PCDHGA3: variants seen among roughly 807,000 people sequenced by gnomAD.
PCDHGA3 encodes protocadherin gamma-A3.
PCDHGA3 carries 40 observed loss-of-function variants against 58.5 expected under a neutral mutation model. That is an observed-to-expected ratio of 0.68 (90% CI 0.53 to 0.89). The LOEUF (loss-of-function observed/expected upper bound fraction) is 0.89. PCDHGA3 is among the 40% of genes least tolerant of loss of function. The pLI is 0.00. For synonymous variants in PCDHGA3, 530 were observed against 525.7 expected (o/e 1.01, Z -0.11); for missense variants, 1,223 against 1,195.9 (o/e 1.02, Z -0.33).
Position 141,477,657 on chromosome 5 carries a change from G to C in PCDHGA3, c.2425-17150G>C. 4 of 1,614,190 alleles carry C rather than the reference G, an allele frequency of 2.5e-6. No individual in the cohort carries two copies. Among genetic ancestry groups the C allele is most frequent in the Non-Finnish European group, 3.4e-6 (4 of 1,180,038 alleles). The stretch of plus-strand genomic sequence containing the variant: ...GTGGGTCGCTATTTCACAATAAATC[G>C]TGACAATGGCATAGTGTCATCCTTA... On this transcript the variant is annotated intron_variant, in intron 1 of 3. Coordinates refer to ENST00000253812, the MANE Select transcript of PCDHGA3 (RefSeq NM_018916.4). The surrounding 1 kb of genome is among the most constrained non-coding windows in gnomAD (Gnocchi z 4.9).
intron 1 of PCDHGA3, chr5:141,384,177 TG>T: frequency 6.2e-7 from 1 of 1,613,838 alleles, no homozygotes; most frequent in South Asian, 1.1e-5. Context: ...AAGCCACAGA[TG>T]GTGGAACTCC....
intron 1 of PCDHGA3, among the ~76,000 whole-genome samples, chr5:141,358,322 G>A (rs1185859053): frequency 6.6e-6 from 1 of 152,192 alleles, no homozygotes; most frequent in Non-Finnish European, 1.5e-5. Context: ...TCTTTCTCAT[G>A]AAGCTATTGT....
At chr5:141,408,055 C>CCGG in intron 1 of PCDHGA3, 1 of 1,299,130 alleles carries the variant, frequency 7.7e-7, no homozygotes, top group South Asian at 1.6e-5. Flanking sequence ...ACAGAGCCTC[C>CCGG]CGGCTGCGCA....
chr5:141,464,343 A>C (rs944042669), intron 1 of PCDHGA3, among the ~76,000 whole-genome samples: 7 of 151,212 alleles, frequency 4.6e-5, no homozygotes, highest in African/African-American at 1.5e-4. Context: ...ATGACTTGTC[A>C]TTTAGGTAGT....
At position 141,489,437 on chromosome 5, in the gene PCDHGA3, T is replaced by C; in HGVS notation, c.2425-5370T>C. The C allele has an allele frequency of 6.2e-7, 1 of 1,614,110 alleles. No individual in the cohort carries two copies. Among genetic ancestry groups the C allele is most frequent in the Non-Finnish European group, 8.5e-7 (1 of 1,180,020 alleles). ...GATCTGTTGAGCCGGCGGCTGCAATTGGGCTCTGAGGAGAATGGGCGCTAT... is the reference window on the plus strand; with the variant it reads ...GATCTGTTGAGCCGGCGGCTGCAATCGGGCTCTGAGGAGAATGGGCGCTAT... On this transcript the variant is annotated intron_variant, in intron 1 of 3. Transcript: ENST00000253812. This position sits in a 1 kb window ranked among gnomAD's most constrained non-coding sequence, Gnocchi z 4.5.
chr5:141,380,503 A>G (rs1353992586), intron 1 of PCDHGA3, among the ~76,000 whole-genome samples: 1 of 152,196 alleles, frequency 6.6e-6, no homozygotes, highest in African/African-American at 2.4e-5. Context: ...ACAATAATAT[A>G]CACTCTTTAA....
rs1407225048 is a variant in PCDHGA3 at position 141,489,600 on chromosome 5, G to T, written c.2425-5207G>T. On this transcript the variant is annotated intron_variant, in intron 1 of 3. Coordinates refer to ENST00000253812, the MANE Select transcript of PCDHGA3 (RefSeq NM_018916.4). The surrounding 1 kb of genome is among the most constrained non-coding windows in gnomAD (Gnocchi z 4.5). ...ACCCCCTGGAGCTAATCCGTGTAGA[G>T]GTAGAGATCCTGGATCTCAATGACA... The T allele has an allele frequency of 7.4e-6, 12 of 1,613,916 alleles. 1 individual carries two copies. In the South Asian group the frequency reaches 1.2e-4, roughly 16 times the overall value.
chr5:141,372,012 C>T, intron 1 of PCDHGA3: 1 of 1,613,320 alleles, frequency 6.2e-7, no homozygotes, highest in South Asian at 1.1e-5. Context: ...CCAGGGCTCG[C>T]CTACGCTCAG....
At position 141,431,790 on chromosome 5, in the gene PCDHGA3, C is replaced by G; in HGVS notation, c.2425-63017C>G. ...ACTGTTCTGGACGTGAACGACAATG[C>G]CCCAGAAGTGGTCCTCACCTCTCTC... On this transcript the variant is annotated intron_variant, in intron 1 of 3. Coordinates refer to ENST00000253812, the MANE Select transcript of PCDHGA3 (RefSeq NM_018916.4). The surrounding 1 kb of genome is among the most constrained non-coding windows in gnomAD (Gnocchi z 4.8). 1 of 1,614,186 alleles carries G rather than the reference C, an allele frequency of 6.2e-7. No homozygotes were observed. Among genetic ancestry groups the G allele is most frequent in the Non-Finnish European group, 8.5e-7 (1 of 1,180,016 alleles).
chr5:141,415,660 T>C, intron 1 of PCDHGA3: 2 of 1,583,052 alleles, frequency 1.3e-6, no homozygotes, highest in Non-Finnish European at 8.6e-7. Context: ...AAAGATTGGT[T>C]TTTACTTTGA....
chr5:141,501,326 CA>C (rs1562200763), intron 2 of PCDHGA3, among the ~76,000 whole-genome samples: 18 of 151,784 alleles, frequency 1.2e-4, no homozygotes, highest in African/African-American at 1.9e-4. Flanking sequence ...CACACACACA[CA>C]CACACACCCC....
At chr5:141,379,313 A>G (rs1053297201) in intron 1 of PCDHGA3, 11 of 152,382 alleles carry the variant, frequency 7.2e-5, no homozygotes, top group Non-Finnish European at 1.5e-4. Flanking sequence ...CCTAAACAAG[A>G]GATCTAATCA....
chr5:141,415,704 T>C (rs1262137262), intron 1 of PCDHGA3: 1 of 1,344,464 alleles, frequency 7.4e-7, no homozygotes, highest in South Asian at 1.3e-5. Context: ...GTGTAAATGC[T>C]AAAACACTGA....
intron 1 of PCDHGA3, among the ~76,000 whole-genome samples, chr5:141,430,253 T>G (rs2097270288): frequency 9.8e-6 from 1 of 102,050 alleles, no homozygotes; most frequent in Admixed American, 1.0e-4. Context: ...TAGGGAGACA[T>G]CTCCATAATA....
chr5:141,497,960 C>T (rs946836523), intron 2 of PCDHGA3, among the ~76,000 whole-genome samples: 24 of 152,202 alleles, frequency 1.6e-4, no homozygotes, highest in African/African-American at 5.8e-4. Flanking sequence ...GTTGGCCAGG[C>T]AGTGTTCTCG....
intron 3 of PCDHGA3, 72 bp from the exon 4 acceptor site, chr5:141,510,875 C>T: frequency 6.2e-7 from 1 of 1,610,120 alleles, no homozygotes; most frequent in Admixed American, 1.7e-5. Context: ...TCATTAACTG[C>T]TGGGGATATA....
chr5:141,366,172 A>C lies in PCDHGA3; in HGVS notation c.2424+19715A>C, dbSNP rs559505576. On this transcript the variant is annotated intron_variant, in intron 1 of 3. Transcript: ENST00000253812. The stretch of plus-strand genomic sequence containing the variant: ...ACCGCCTGCTTAAGGCCAGCGAGCC[A>C]GGACTCTTTGCGGTTGGGCTGCACA... The C allele has an allele frequency of 2.6e-5, 42 of 1,613,958 alleles. No homozygotes were observed. The Admixed American group carries it at 7.0e-4, about 27-fold the overall frequency.
At chr5:141,488,866 G>A (rs957501628) in intron 1 of PCDHGA3, among the ~76,000 whole-genome samples, 1 of 152,148 alleles carries the variant, frequency 6.6e-6, no homozygotes, top group African/African-American at 2.4e-5. Flanking sequence ...GAAGTGAGTG[G>A]GGAGGTAGGA....
intron 1 of PCDHGA3, chr5:141,384,037 G>T (rs759701397): frequency 6.2e-7 from 1 of 1,613,004 alleles, no homozygotes; most frequent in Admixed American, 1.7e-5. Context: ...TGGAAAGAAT[G>T]GTGAGGTGAC....
Sources: gnomAD v4.1 joint callset for allele counts (sites outside exome capture counted in the v4.1 genomes callset) on GRCh38, gnomAD v4.1.1 for gene constraint, Gnocchi (gnomAD v3.1) non-coding constraint, MANE v1.5 for transcripts, NCBI Gene and HGNC (gene_info 2026-07-23, HGNC 2026-07-21) for gene names.